The following NOS1AP variants were observed in gnomAD, a reference collection of about 807,000 sequenced individuals.
NOS1AP encodes nitric oxide synthase 1 adaptor protein, also known as carboxyl-terminal PDZ ligand of neuronal nitric oxide synthase protein.
A neutral mutation model predicts 56.2 loss-of-function variants in NOS1AP; 21 were observed. The observed-to-expected ratio is 0.37, with a 90% CI of 0.26 to 0.54. The LOEUF (loss-of-function observed/expected upper bound fraction) is 0.54, where lower values mean the gene tolerates loss of function less well. NOS1AP is among the 20% of genes least tolerant of loss of function. NOS1AP has a pLI of 0.84. For synonymous variants in NOS1AP, 270 were observed against 274.6 expected, an observed-to-expected ratio of 0.98 and a Z score of 0.17; for missense variants, 522 against 657.8, an observed-to-expected ratio of 0.79 and a Z score of 2.26.
intron 1 of NOS1AP, among the ~76,000 whole-genome samples, chr1:162,142,214 T>C (rs1462782321): frequency 6.6e-6 from 1 of 152,224 alleles, no homozygotes. Context: ...TCACTTCATA[T>C]GTATTATTTT....
At chr1:162,095,081 T>A (rs762439306) in intron 1 of NOS1AP, among the ~76,000 whole-genome samples, 4 of 152,176 alleles carry the variant, frequency 2.6e-5, no homozygotes, top group Non-Finnish European at 5.9e-5. Flanking sequence ...TGGCAACAGT[T>A]ATAGGAGCTG....
At chr1:162,155,325 T>C (rs1323458190) in intron 2 of NOS1AP, among the ~76,000 whole-genome samples, 5 of 146,182 alleles carry the variant, frequency 3.4e-5, no homozygotes, top group African/African-American at 5.0e-5. Context: ...TATATATGTA[T>C]GTGTATATGT....
rs946707852 is a variant in NOS1AP, at chr1:162,146,442, C to T, written c.106-7963C>T. Among the ~76,000 whole-genome samples the T allele has an allele frequency of 2.0e-5, 3 of 152,080 alleles. No homozygotes were observed. The East Asian group carries it at 5.8e-4, about 29-fold the overall frequency. On this transcript the variant is annotated intron_variant, in intron 1 of 9. Transcript: ENST00000361897. ...TTTACACATGATTTTGGAGGCTTCC[C>T]CTCTGTGACTCCCTCCTGCCTGCCC...
At chr1:162,254,179 C>A (rs1384451619) in intron 2 of NOS1AP, among the ~76,000 whole-genome samples, 2 of 152,190 alleles carry the variant, frequency 1.3e-5, no homozygotes, top group Non-Finnish European at 2.9e-5. Flanking sequence ...CGCCCTGGGT[C>A]TTGACTATAG....
chr1:162,192,898 G>A (rs1364687325), intron 2 of NOS1AP, among the ~76,000 whole-genome samples: 1 of 152,032 alleles, frequency 6.6e-6, no homozygotes, highest in Non-Finnish European at 1.5e-5. Context: ...GACTATGGGG[G>A]AGACTTAGCA....
At chr1:162,357,804 G>A (rs572737972) in intron 8 of NOS1AP, among the ~76,000 whole-genome samples, 1 of 152,000 alleles carries the variant, frequency 6.6e-6, no homozygotes, top group East Asian at 1.9e-4. Context: ...CATTATAGGG[G>A]AGGGTGAGCT....
intron 1 of NOS1AP, among the ~76,000 whole-genome samples, chr1:162,102,444 G>A (rs1457439227): frequency 6.6e-6 from 1 of 152,156 alleles, no homozygotes; most frequent in African/African-American, 2.4e-5. Context: ...TTGGTATCAG[G>A]ATCATGCTGG....
rs555009586 is a variant in NOS1AP at position 162,319,429 on chromosome 1, C to A, written c.345-13588C>A. On this transcript the variant is annotated intron_variant, in intron 4 of 9. Coordinates refer to ENST00000361897, the MANE Select transcript of NOS1AP (RefSeq NM_014697.3). ...TAGACTCCCATCCTTGCCCTGAGCC[C>A]ACAAGGTGAAGTCTGAGCTCTGTAG... Among the ~76,000 whole-genome samples, 18 of 152,244 alleles carry A rather than the reference C, an allele frequency of 1.2e-4. No individual in the cohort carries two copies. In the South Asian group the frequency reaches 1.5e-3, roughly 12 times the overall value.
At chr1:162,216,866 A>G (rs751293243) in intron 2 of NOS1AP, among the ~76,000 whole-genome samples, 3 of 152,184 alleles carry the variant, frequency 2.0e-5, no homozygotes, top group Non-Finnish European at 4.4e-5. Context: ...TCCAATGAGT[A>G]AGACAGCATA....
chr1:162,127,746 CG>C (rs1241683002), intron 1 of NOS1AP, among the ~76,000 whole-genome samples: 2 of 152,124 alleles, frequency 1.3e-5, no homozygotes, highest in African/African-American at 2.4e-5. Context: ...AACTCACTAT[CG>C]CAAGGACAGT....
intron 2 of NOS1AP, among the ~76,000 whole-genome samples, chr1:162,187,212 C>T (rs1651465898): frequency 6.6e-6 from 1 of 152,154 alleles, no homozygotes; most frequent in Non-Finnish European, 1.5e-5. Context: ...AGTGATCCAC[C>T]CGCCTAGGCC....
chr1:162,177,695 CATT>C (rs1168755676), intron 2 of NOS1AP, among the ~76,000 whole-genome samples: 1 of 151,998 alleles, frequency 6.6e-6, no homozygotes, highest in Non-Finnish European at 1.5e-5. Flanking sequence ...AAGTAGTAAA[CATT>C]ATTTTTAGAG....
chr1:162,341,849 C>T (rs1036456696), intron 5 of NOS1AP, among the ~76,000 whole-genome samples: 2 of 152,204 alleles, frequency 1.3e-5, no homozygotes, highest in African/African-American at 4.8e-5. Context: ...AAGCACAGCA[C>T]AGCTTGGTGG....
intron 6 of NOS1AP, among the ~76,000 whole-genome samples, chr1:162,350,556 C>A (rs1258981692): frequency 1.3e-5 from 2 of 152,230 alleles, no homozygotes; most frequent in Middle Eastern, 3.2e-3. Flanking sequence ...AGACCCTGTT[C>A]CCCTGGAGGT....
intron 1 of NOS1AP, among the ~76,000 whole-genome samples, chr1:162,096,236 G>A (rs983503100): frequency 6.6e-6 from 1 of 152,146 alleles, no homozygotes; most frequent in South Asian, 2.1e-4. Flanking sequence ...CTACAGGAGG[G>A]CATCTGCTTC....
intron 2 of NOS1AP, among the ~76,000 whole-genome samples, chr1:162,284,913 C>A (rs1376927876): frequency 6.6e-6 from 1 of 152,060 alleles, no homozygotes; most frequent in Non-Finnish European, 1.5e-5. Context: ...CAACATTCTT[C>A]CAGAAATATA....
intron 2 of NOS1AP, among the ~76,000 whole-genome samples, 154 bp downstream of exon 2, chr1:162,154,630 T>C (rs186089018): frequency 9.5e-4 from 144 of 152,276 alleles, no homozygotes; most frequent in African/African-American, 3.3e-3. Flanking sequence ...TGTTCTGAAT[T>C]GAACATTTGA....
chr1:162,324,283 T>C (rs1044695780), intron 4 of NOS1AP, among the ~76,000 whole-genome samples: 1 of 152,218 alleles, frequency 6.6e-6, no homozygotes, highest in Non-Finnish European at 1.5e-5. Context: ...GCAGCCTGTG[T>C]AAATAGATTT....
At chr1:162,323,465 A>G (rs570675675) in intron 4 of NOS1AP, among the ~76,000 whole-genome samples, 1 of 152,358 alleles carries the variant, frequency 6.6e-6, no homozygotes, top group South Asian at 2.1e-4. Flanking sequence ...TGACCTTAAG[A>G]AAATGCACAG....
Sources: allele counts gnomAD v4.1 joint callset (sites outside exome capture counted in the v4.1 genomes callset), GRCh38; gene constraint gnomAD v4.1.1; transcripts MANE v1.5; gene names NCBI Gene and HGNC (gene_info 2026-07-23, HGNC 2026-07-21).